RNF17: variants seen among roughly 807,000 people sequenced by gnomAD.
The protein encoded by RNF17 is spermatogenesis associated 23.
Under a neutral mutation model 200.5 loss-of-function variants are expected in RNF17, and 31 were observed. That is an observed-to-expected ratio of 0.15 (90% confidence interval 0.12 to 0.21). The LOEUF (loss-of-function observed/expected upper bound fraction) is 0.21. Among genes scored for constraint, RNF17 ranks in the 10% least tolerant of loss-of-function variants. The probability of loss-of-function intolerance (pLI) is 1.00; values close to 1 mark genes in which losing one functional copy is unlikely to be tolerated. For synonymous variants in RNF17, 606 were observed against 637.8 expected (o/e 0.95, Z 0.75); for missense variants, 1,628 against 1,905.1 (o/e 0.85, Z 2.71).
At chr13:24,787,581 C>G (rs537506860) in intron 6 of RNF17, among the ~76,000 whole-genome samples, 1 of 152,138 alleles carries the variant, frequency 6.6e-6, no homozygotes, top group African/African-American at 2.4e-5. Context: ...GCCTGGGCCT[C>G]AGTGTGGCTT....
chr13:24,882,988 G>GAATT (rs912454642), downstream of RNF17: 14 of 606,680 alleles, frequency 2.3e-5, no homozygotes, highest in African/African-American at 3.7e-5. Context: ...ACAGGGTAGT[G>GAATT]AATTATAAAT....
In RNF17 at chr13:24,764,295, A is replaced by C. The variant is rs143105326; in HGVS notation, c.92A>C (p.Gln31Pro). 32 of 1,611,544 alleles carry C rather than the reference A, an allele frequency of 2.0e-5. No homozygotes were observed. In the African/African-American group the frequency reaches 4.0e-4, roughly 20 times the overall value. Residue 31 changes from glutamine to proline, a missense_variant, in exon 1 of 36, where the codon CAG becomes CCG. Gln to Pro is a moderately conservative substitution (Grantham distance 76). Coordinates refer to ENST00000255324, the MANE Select transcript of RNF17 (RefSeq NM_031277.3). ...CAGCCCTGGGGTGCCGCTGAAATCC[A>C]GTGCACCAGGTGTGGAAGGAGGGTA... is the stretch of plus-strand genomic sequence containing the variant. The part of the protein sequence containing the change: ...KSQPWGAAEI[Q>P]CTRCGRRVSR...
intron 10 of RNF17, among the ~76,000 whole-genome samples, chr13:24,795,261 A>G (rs1263370741): frequency 6.6e-6 from 1 of 152,048 alleles, no homozygotes; most frequent in Non-Finnish European, 1.5e-5. Flanking sequence ...AATTAAATAT[A>G]TATTAAAATA....
At chr13:24,781,331 C>T (rs909801853) in intron 5 of RNF17, among the ~76,000 whole-genome samples, 3 of 151,800 alleles carry the variant, frequency 2.0e-5, no homozygotes, top group Admixed American at 2.0e-4. Flanking sequence ...GCCACATTAT[C>T]AGTAGAAAAT....
At chr13:24,787,220 C>A (rs1016447900) in intron 6 of RNF17, among the ~76,000 whole-genome samples, 10 of 152,074 alleles carry the variant, frequency 6.6e-5, no homozygotes, top group Admixed American at 6.6e-4. Flanking sequence ...TCCCCTAGAT[C>A]ATTTTTCTGA....
At chr13:24,887,592 G>C in the RNF17 span, among the ~76,000 whole-genome samples, 2 of 152,110 alleles carry the variant, frequency 1.3e-5, no homozygotes, top group Non-Finnish European at 2.9e-5. Flanking sequence ...CCATCTAATT[G>C]CAGGAAAACA....
chr13:24,778,235 C>A, intron 3 of RNF17, 60 bp from the exon 4 acceptor site: 1 of 1,166,872 alleles, frequency 8.6e-7, no homozygotes, highest in South Asian at 1.3e-5. Context: ...GCACTCTGGC[C>A]TGGGTGACAG....
downstream of RNF17, among the ~76,000 whole-genome samples, chr13:24,881,154 ATT>A (rs879442670): frequency 6.3e-5 from 9 of 143,324 alleles, no homozygotes; most frequent in African/African-American, 2.3e-4. Context: ...ATTTATCAAC[ATT>A]TTTTTTTTTT....
intron 22 of RNF17, among the ~76,000 whole-genome samples, chr13:24,846,684 A>G (rs1021345963): frequency 2.0e-4 from 30 of 152,230 alleles, no homozygotes; most frequent in African/African-American, 7.2e-4. Flanking sequence ...ACTGACAGTA[A>G]TAATAGCTGA....
At position 24,851,590 on chromosome 13, in the gene RNF17, A is replaced by C; in HGVS notation, c.3320+19A>C. 6.6e-7 allele frequency: 1 copy of C among 1,520,458 alleles called. No individual in the cohort carries two copies. Among genetic ancestry groups the C allele is most frequent in the Non-Finnish European group, 9.0e-7 (1 of 1,108,638 alleles). The allele number at this position is 1,520,458 out of a possible 1,614,324, so 94.2% of individuals were successfully genotyped here. A position where few individuals can be genotyped will look rare whatever the true frequency, so the allele number is the denominator to read the frequency against. ...AAAGGAGGTATAGACTTTTTTAAAA[A>C]ATTTTGACATCAGTTTGTGATGGAT... On this transcript the variant is annotated intron_variant, in intron 24 of 35. Coordinates refer to ENST00000255324, the MANE Select transcript of RNF17 (RefSeq NM_031277.3).
At chr13:24,782,610 G>A (rs577066783) in intron 6 of RNF17, among the ~76,000 whole-genome samples, 11 of 151,626 alleles carry the variant, frequency 7.3e-5, no homozygotes, top group African/African-American at 2.7e-4. Context: ...TGAGATGGGG[G>A]GGGGATCTTT....
intron 35 of RNF17, 125 bp downstream of exon 35, chr13:24,879,420 A>G: frequency 1.6e-6 from 1 of 643,340 alleles, no homozygotes. Context: ...GCTCCACCAG[A>G]TTTCTTCATA....
chr13:24,834,797 A>G (rs1889787876), intron 18 of RNF17, among the ~76,000 whole-genome samples: 1 of 152,200 alleles, frequency 6.6e-6, no homozygotes. Flanking sequence ...GAACTTGGTA[A>G]CAATTTGAAC....
At chr13:24,801,517 G>A (rs890462527) in intron 13 of RNF17, among the ~76,000 whole-genome samples, 1 of 152,086 alleles carries the variant, frequency 6.6e-6, no homozygotes, top group Admixed American at 6.6e-5. Context: ...AGTGCACCAT[G>A]AAGGCTGAGG....
chr13:24,773,893 C>T (rs1881165851), intron 2 of RNF17, among the ~76,000 whole-genome samples: 1 of 152,016 alleles, frequency 6.6e-6, no homozygotes, highest in Non-Finnish European at 1.5e-5. Context: ...TTTCCTTCTG[C>T]CTTCTTCATT....
chr13:24,873,464 TG>T (rs1894516276), intron 32 of RNF17, among the ~76,000 whole-genome samples: 1 of 152,248 alleles, frequency 6.6e-6, no homozygotes, highest in Non-Finnish European at 1.5e-5. Flanking sequence ...TGTATGTTTA[TG>T]GGGTACATGT....
chr13:24,863,852 C>T (rs182122366), intron 28 of RNF17, among the ~76,000 whole-genome samples: 1 of 152,322 alleles, frequency 6.6e-6, no homozygotes, highest in East Asian at 1.9e-4. Flanking sequence ...CACAACCCAG[C>T]CGACAGCAGG....
At chr13:24,884,868 C>A (rs1407437354), downstream of RNF17, among the ~76,000 whole-genome samples, 1 of 152,124 alleles carries the variant, frequency 6.6e-6, no homozygotes, top group Non-Finnish European at 1.5e-5. Flanking sequence ...GAAAAAATTC[C>A]CTCATCACCT....
chr13:24,859,067 C>G lies in RNF17; in HGVS notation c.3677C>G (p.Pro1226Arg), dbSNP rs995166664. The change falls in exon 26 of 36, where the codon CCT becomes CGT. Residue 1226 changes from proline to arginine, a missense_variant. By Grantham distance (103) the Pro-to-Arg change is moderately radical. Around this residue, in one of 5 missense-constraint regions of RNF17, gnomAD observed 609 missense variants for 681.9 expected, o/e 0.89. Transcript: ENST00000255324. ...TTAAAATGCCTTGGTCTTTTGGAGCCTTATTTCTGGAAAAAAGGAGAAGCA... is the reference window on the plus strand; with the variant it reads ...TTAAAATGCCTTGGTCTTTTGGAGCGTTATTTCTGGAAAAAAGGAGAAGCA... The part of the protein sequence containing the change: ...SNLKCLGLLE[P>R]YFWKKGEACA... The G allele has an allele frequency of 1.9e-6, 3 of 1,610,074 alleles. No homozygotes were observed. Among genetic ancestry groups the G allele is most frequent in the Non-Finnish European group, 2.5e-6 (3 of 1,177,052 alleles).
Sources: gnomAD v4.1 joint callset for allele counts (sites outside exome capture counted in the v4.1 genomes callset) on GRCh38, gnomAD v4.1.1 for gene constraint, gnomAD v4.1.1 regional missense constraint, MANE v1.5 for transcripts, NCBI Gene and HGNC (gene_info 2026-07-23, HGNC 2026-07-21) for gene names.